The following ANXA8 variants were observed in gnomAD, a reference collection of about 807,000 sequenced individuals.
ANXA8 encodes the protein annexin A8.
Under a neutral mutation model 26.8 loss-of-function variants are expected in ANXA8, and 9 were observed. The observed-to-expected ratio is 0.34, with a 90% CI of 0.20 to 0.59. ANXA8 has a LOEUF of 0.59. ANXA8 is among the 20% of genes least tolerant of loss of function. The pLI, the probability that ANXA8 is intolerant of heterozygous loss-of-function variation, is 0.84. For synonymous variants in ANXA8, 39 were observed against 94.8 expected, an observed-to-expected ratio of 0.41 and a Z score of 3.42; for missense variants, 83 against 238.5, an observed-to-expected ratio of 0.35 and a Z score of 4.29.
the ANXA8 span, among the ~76,000 whole-genome samples, chr10:47,626,408 A>C: frequency 6.6e-5 from 10 of 150,500 alleles, 1 homozygote; most frequent in African/African-American, 2.5e-4. Context: ...ATATCCTTAA[A>C]TAAAACTTTG....
At chr10:47,724,728 C>A in the ANXA8 span, among the ~76,000 whole-genome samples, 1 of 140,982 alleles carries the variant, frequency 7.1e-6, no homozygotes, top group African/African-American at 2.6e-5. Context: ...ATGTACAATT[C>A]AATGGCTGTA....
chr10:47,595,599 C>G, the ANXA8 span, among the ~76,000 whole-genome samples: 10 of 149,226 alleles, frequency 6.7e-5, 1 homozygote, highest in Non-Finnish European at 8.8e-5. Context: ...CATAAAAGAG[C>G]AGGAGTTTCT....
chr10:47,703,465 G>A, the ANXA8 span, among the ~76,000 whole-genome samples: 1 of 150,874 alleles, frequency 6.6e-6, no homozygotes, highest in Admixed American at 6.6e-5. Context: ...CTATTCGGGA[G>A]GCTGAGGTGG....
At chr10:47,511,021 G>C in the ANXA8 span, among the ~76,000 whole-genome samples, 20 of 126,840 alleles carry the variant, frequency 1.6e-4, 6 homozygotes, top group Admixed American at 1.5e-3. Flanking sequence ...TCGGCTCACT[G>C]CAAGCTCCGC....
chr10:47,705,141 G>C, the ANXA8 span, among the ~76,000 whole-genome samples: 1 of 151,566 alleles, frequency 6.6e-6, no homozygotes, highest in Non-Finnish European at 1.5e-5. Flanking sequence ...GAAAACAGCA[G>C]GGCATTTTAA....
chr10:47,627,215 C>G, the ANXA8 span, among the ~76,000 whole-genome samples: 1 of 150,166 alleles, frequency 6.7e-6, no homozygotes, highest in Non-Finnish European at 1.5e-5. Flanking sequence ...TAACTTCCTT[C>G]TCTGAAAGGC....
At chr10:47,936,937 C>T in the ANXA8 span, among the ~76,000 whole-genome samples, 641 of 151,000 alleles carry the variant, frequency 4.2e-3, 6 homozygotes, top group East Asian at 0.047. Flanking sequence ...AAGGAGTTTG[C>T]GGCCCCAAGA....
At chr10:47,683,397 T>A in the ANXA8 span, among the ~76,000 whole-genome samples, 1 of 151,534 alleles carries the variant, frequency 6.6e-6, no homozygotes, top group African/African-American at 2.4e-5. Context: ...CCCAGCTAAT[T>A]TTTTGTATTT....
At chr10:47,506,515 G>T in the ANXA8 span, among the ~76,000 whole-genome samples, 10 of 140,474 alleles carry the variant, frequency 7.1e-5, 2 homozygotes, top group South Asian at 1.1e-3. Flanking sequence ...ACTTTCAGTA[G>T]AGGCGGGTTT....
the ANXA8 span, among the ~76,000 whole-genome samples, chr10:47,617,692 T>C: frequency 5.4e-5 from 8 of 148,796 alleles, no homozygotes; most frequent in Admixed American, 5.3e-4. Flanking sequence ...ATTAAGATCT[T>C]CACTGAGATT....
chr10:47,571,487 C>T, the ANXA8 span, among the ~76,000 whole-genome samples: 1 of 149,860 alleles, frequency 6.7e-6, no homozygotes, highest in Non-Finnish European at 1.5e-5. Flanking sequence ...CAGAGAGTGT[C>T]AGATTGAGGC....
At chr10:47,942,042 G>A in the ANXA8 span, among the ~76,000 whole-genome samples, 5 of 147,840 alleles carry the variant, frequency 3.4e-5, no homozygotes, top group Non-Finnish European at 7.4e-5. Flanking sequence ...TTTAAAATCA[G>A]TTGCTAAGCC....
chr10:47,565,607 C>G, the ANXA8 span: 1 of 299,738 alleles, frequency 3.3e-6, no homozygotes, highest in East Asian at 6.1e-5. Context: ...CGGCCCGGCG[C>G]GCTACCCCGC....
At chr10:47,929,874 T>C in the ANXA8 span, among the ~76,000 whole-genome samples, 1 of 151,838 alleles carries the variant, frequency 6.6e-6, no homozygotes, top group East Asian at 2.0e-4. Context: ...TCTGGCCTCA[T>C]TCAGCCAGAG....
the ANXA8 span, among the ~76,000 whole-genome samples, chr10:47,969,605 G>GCTT: frequency 6.8e-6 from 1 of 146,264 alleles, no homozygotes; most frequent in Admixed American, 6.9e-5. Context: ...AGCAGGTGTG[G>GCTT]CTTCACTCTG....
chr10:47,737,074 A>T, the ANXA8 span, among the ~76,000 whole-genome samples: 1 of 147,954 alleles, frequency 6.8e-6, no homozygotes, highest in Non-Finnish European at 1.5e-5. Context: ...GAAGCCTTTT[A>T]TTAAATTAGT....
chr10:47,932,413 C>T, the ANXA8 span, among the ~76,000 whole-genome samples: 1 of 151,052 alleles, frequency 6.6e-6, no homozygotes, highest in Admixed American at 6.6e-5. Flanking sequence ...GGGAACTTAT[C>T]GGCTCATGGA....
At chr10:47,563,761 T>C in the ANXA8 span, 1 of 803,066 alleles carries the variant, frequency 1.2e-6, no homozygotes, top group Non-Finnish European at 2.2e-6. Context: ...GTTAAGATGC[T>C]ATAGAAATAT....
the ANXA8 span, among the ~76,000 whole-genome samples, chr10:47,628,287 T>C: frequency 6.6e-6 from 1 of 152,130 alleles, no homozygotes; most frequent in African/African-American, 2.4e-5. Flanking sequence ...TATACGTACC[T>C]TTTTTGTATT....
Sources: allele counts gnomAD v4.1 joint callset (sites outside exome capture counted in the v4.1 genomes callset), GRCh38; gene constraint gnomAD v4.1.1; transcripts MANE v1.5; gene names NCBI Gene and HGNC (gene_info 2026-07-23, HGNC 2026-07-21).